Variants in TRPM3 observed in about 807,000 individuals in gnomAD.
TRPM3 encodes transient receptor potential cation channel subfamily M member 3, also known as long transient receptor potential channel 3.
Under a neutral mutation model 181.2 loss-of-function variants are expected in TRPM3, and 77 were observed. The ratio of observed to expected loss-of-function variants is 0.42; its 90% CI spans 0.35 to 0.51. The LOEUF (loss-of-function observed/expected upper bound fraction) is 0.51, where lower values mean the gene tolerates loss of function less well. Among genes scored for constraint, TRPM3 ranks in the 20% least tolerant of loss-of-function variants. The pLI is 0.01. For synonymous variants in TRPM3, 745 were observed against 796.4 expected, an observed-to-expected ratio of 0.94 and a Z score of 1.09; for missense variants, 1,759 against 2,196.7, an observed-to-expected ratio of 0.80 and a Z score of 3.98.
At chr9:71,043,249 T>C (rs1342023751) in intron 1 of TRPM3, among the ~76,000 whole-genome samples, 3 of 152,144 alleles carry the variant, frequency 2.0e-5, no homozygotes, top group African/African-American at 7.2e-5. Flanking sequence ...ATTCCAACTC[T>C]GGTAGTTAGT....
intron 1 of TRPM3, among the ~76,000 whole-genome samples, chr9:71,141,098 T>G (rs1483135532): frequency 1.3e-5 from 2 of 152,186 alleles, no homozygotes; most frequent in Non-Finnish European, 2.9e-5. Flanking sequence ...ATCAAGAACA[T>G]TAAACAGGAT....
At position 70,536,143 on chromosome 9, in the gene TRPM3, G is replaced by T. The variant is rs148848073; in HGVS notation, c.4970C>A (p.Ala1657Glu). Residue 1657 changes from alanine (A) to glutamate (E), a missense_variant, in exon 26 of 26, where the codon GCG (alanine) becomes GAG (glutamate). Around this residue, in one of 8 missense-constraint regions of TRPM3, gnomAD observed 612 missense variants for 590.0 expected, o/e 1.04. Coordinates refer to ENST00000677713, the MANE Select transcript of TRPM3 (RefSeq NM_001366145.2). ...GCTCTTCCTGGTGTGTGCATATGGC[G>T]CACTTGGCTCCTCTGCCGAGTAGCT... is the stretch of plus-strand genomic sequence containing the variant. ...ANSYSAEEPS[A>E]PYAHTRKSFS... 1.2e-6 allele frequency: 2 copies of T among 1,614,208 alleles called. No homozygotes were observed. The highest frequency in any genetic ancestry group is 1.7e-6 in the Non-Finnish European group (2 of 1,180,040).
At chr9:70,988,141 G>C (rs1410743130) in intron 1 of TRPM3, among the ~76,000 whole-genome samples, 1 of 152,182 alleles carries the variant, frequency 6.6e-6, no homozygotes, top group Non-Finnish European at 1.5e-5. Flanking sequence ...TATTGAGCAA[G>C]AGTTCTTAAA....
At chr9:71,266,515 C>G (rs191326923) in intron 1 of TRPM3, among the ~76,000 whole-genome samples, 5 of 152,238 alleles carry the variant, frequency 3.3e-5, no homozygotes, top group Admixed American at 1.3e-4. Flanking sequence ...ATCCCTCTTT[C>G]TCTCCCATCT....
chr9:71,090,686 C>G (rs958888018), intron 1 of TRPM3, among the ~76,000 whole-genome samples: 4 of 152,104 alleles, frequency 2.6e-5, no homozygotes, highest in African/African-American at 9.7e-5. Context: ...TCAAACTGCA[C>G]TTAAGTTCAA....
chr9:70,773,742 T>C (rs1311611224), intron 7 of TRPM3, among the ~76,000 whole-genome samples: 6 of 152,212 alleles, frequency 3.9e-5, no homozygotes, highest in Non-Finnish European at 7.3e-5. Context: ...CTGTGTATTA[T>C]GTCTGTGTGG....
At chr9:71,056,828 A>G (rs180846354) in intron 1 of TRPM3, among the ~76,000 whole-genome samples, 1 of 152,082 alleles carries the variant, frequency 6.6e-6, no homozygotes. Flanking sequence ...TGTTTAGACC[A>G]CCCAGTGTAT....
chr9:71,126,111 A>C (rs1216517400), upstream of TRPM3, among the ~76,000 whole-genome samples: 1 of 152,224 alleles, frequency 6.6e-6, no homozygotes, highest in African/African-American at 2.4e-5. Context: ...GCCAACAAAC[A>C]TATGGAAAAA....
chr9:71,318,056 C>T (rs2088818614), intron 1 of TRPM3, among the ~76,000 whole-genome samples: 1 of 151,962 alleles, frequency 6.6e-6, no homozygotes, highest in African/African-American at 2.4e-5. Flanking sequence ...TTGAGAGCAG[C>T]CTAGACAACA....
intron 7 of TRPM3, among the ~76,000 whole-genome samples, chr9:70,783,190 A>C (rs1230612569): frequency 1.3e-5 from 2 of 152,168 alleles, no homozygotes; most frequent in Non-Finnish European, 2.9e-5. Flanking sequence ...TGTTTGGCCT[A>C]GTACATGGCA....
At chr9:70,863,998 G>C (rs1460087752) in intron 2 of TRPM3, among the ~76,000 whole-genome samples, 1 of 151,996 alleles carries the variant, frequency 6.6e-6, no homozygotes, top group Non-Finnish European at 1.5e-5. Flanking sequence ...AGGTAAGTAG[G>C]GTGCTAACAA....
rs527741262 is a variant in TRPM3 at position 70,819,953 on chromosome 9, A to G, written c.973+7894T>C. On this transcript the variant is annotated intron_variant, in intron 6 of 25. Coordinates refer to ENST00000677713, the MANE Select transcript of TRPM3 (RefSeq NM_001366145.2). ...CTCTTCTTCTAATTTTTTTGAATAA[A>G]ATGGTAAATCACAAGAAAAAATCTG... 4.6e-5 allele frequency among the ~76,000 whole-genome samples: 7 copies of G among 152,334 alleles called. No homozygotes were observed. In the South Asian group the frequency reaches 1.2e-3, roughly 27 times the overall value.
At chr9:71,070,635 G>A (rs757804389) in intron 1 of TRPM3, among the ~76,000 whole-genome samples, 29 of 152,092 alleles carry the variant, frequency 1.9e-4, no homozygotes, top group Non-Finnish European at 3.7e-4. Flanking sequence ...AAATAAAAAC[G>A]TATTCACTTT....
At chr9:70,911,401 C>T (rs1372337792) in intron 1 of TRPM3, among the ~76,000 whole-genome samples, 1 of 152,158 alleles carries the variant, frequency 6.6e-6, no homozygotes, top group African/African-American at 2.4e-5. Flanking sequence ...TACTCCCTTC[C>T]AGAGTAATTT....
At chr9:70,786,762 T>C (rs1394576151) in intron 6 of TRPM3, among the ~76,000 whole-genome samples, 1 of 152,198 alleles carries the variant, frequency 6.6e-6, no homozygotes, top group Non-Finnish European at 1.5e-5. Context: ...CCTATGTCAT[T>C]GACTTTGTAT....
chr9:71,322,599 G>A (rs751622833), intron 1 of TRPM3, among the ~76,000 whole-genome samples: 8 of 152,092 alleles, frequency 5.3e-5, no homozygotes, highest in Non-Finnish European at 1.2e-4. Context: ...CATTTTAGGA[G>A]CAAGAATGAG....
intron 6 of TRPM3, among the ~76,000 whole-genome samples, chr9:70,819,910 G>T (rs930120244): frequency 2.0e-5 from 3 of 152,104 alleles, no homozygotes; most frequent in Admixed American, 2.0e-4. Flanking sequence ...GGAGCCTGAA[G>T]ACAACTAGAT....
chr9:71,007,076 AGACTAAGTCAGGAAC>A (rs2097686656), intron 1 of TRPM3, among the ~76,000 whole-genome samples: 1 of 136,734 alleles, frequency 7.3e-6, no homozygotes. Flanking sequence ...AAGAAAAAAA[AGACTAAGTCAGGAAC>A]AGAAAAAAAA....
Position 70,597,743 on chromosome 9 carries a change from T to G in TRPM3, c.3048+676A>C, listed in dbSNP as rs370267679. 1.1e-4 allele frequency among the ~76,000 whole-genome samples: 17 copies of G among 152,342 alleles called. No individual in the cohort carries two copies. The East Asian group carries it at 3.1e-3, about 28-fold the overall frequency. ...AATTCGATAAGAAGGAGCATCATTC[T>G]GGAAGCTAGTTCTTAACAGACATCA... On this transcript the variant is annotated intron_variant, in intron 21 of 25. Coordinates refer to ENST00000677713, the MANE Select transcript of TRPM3 (RefSeq NM_001366145.2).
Sources: allele counts gnomAD v4.1 joint callset (sites outside exome capture counted in the v4.1 genomes callset), GRCh38; gene constraint gnomAD v4.1.1; regional missense constraint gnomAD v4.1.1; transcripts MANE v1.5; gene names NCBI Gene and HGNC (gene_info 2026-07-23, HGNC 2026-07-21).